KLF7: variants seen among roughly 807,000 people sequenced by gnomAD.
KLF7 encodes Krueppel-like factor 7.
A neutral mutation model predicts 27.3 loss-of-function variants in KLF7; 2 were observed. The observed-to-expected ratio is 0.07, with a 90% CI of 0.03 to 0.23. KLF7 has a LOEUF of 0.23. Among genes scored for constraint, KLF7 ranks in the 10% least tolerant of loss-of-function variants. KLF7 has a pLI of 1.00. For synonymous variants in KLF7, 165 were observed against 162.4 expected, an observed-to-expected ratio of 1.02 and a Z score of -0.12; for missense variants, 221 against 394.1, an observed-to-expected ratio of 0.56 and a Z score of 3.72.
intron 2 of KLF7, among the ~76,000 whole-genome samples, chr2:207,116,627 A>G (rs1410657993): frequency 2.0e-5 from 3 of 151,792 alleles, no homozygotes; most frequent in Non-Finnish European, 4.4e-5. Flanking sequence ...ATTAACACTC[A>G]TATTATAATA....
At position 207,109,671 on chromosome 2, in the gene KLF7, T is replaced by C. The variant is rs1401155883; in HGVS notation, c.733+14103A>G. Among the ~76,000 whole-genome samples, 6 of 152,178 alleles carry C rather than the reference T, an allele frequency of 3.9e-5. No individual in the cohort carries two copies. In the East Asian group the frequency reaches 9.6e-4, roughly 24 times the overall value. On this transcript the variant is annotated intron_variant, in intron 2 of 3. Transcript: ENST00000309446. Reference sequence around the variant, plus strand: ...AGCCATTCCCAGGCTTGGTACCCAATTGCCTTCTTACTCCCAAAGCTGATC... The same window carrying C: ...AGCCATTCCCAGGCTTGGTACCCAACTGCCTTCTTACTCCCAAAGCTGATC...
At chr2:207,141,080 T>G (rs186610149) in intron 1 of KLF7, among the ~76,000 whole-genome samples, 329 of 152,252 alleles carry the variant, frequency 2.2e-3, no homozygotes, top group South Asian at 3.5e-3. Context: ...AGTATATATA[T>G]AGAGATATAT....
chr2:207,081,728 A>T (rs1349941622), intron 3 of KLF7, among the ~76,000 whole-genome samples: 1 of 152,130 alleles, frequency 6.6e-6, no homozygotes, highest in Admixed American at 6.6e-5. Flanking sequence ...ATTAGTCTAT[A>T]TCATCAAAGG....
intron 2 of KLF7, among the ~76,000 whole-genome samples, chr2:207,099,154 G>A (rs1436140000): frequency 6.6e-6 from 1 of 152,118 alleles, no homozygotes; most frequent in East Asian, 1.9e-4. Context: ...CTCCTAGTGA[G>A]TATAGCCAAG....
upstream of KLF7, among the ~76,000 whole-genome samples, chr2:207,170,501 A>G (rs2078777499): frequency 6.6e-6 from 1 of 152,206 alleles, no homozygotes; most frequent in Non-Finnish European, 1.5e-5. Context: ...CTTCCATTGA[A>G]AGAAGATGCT....
At chr2:207,095,695 T>C (rs1480671392) in intron 2 of KLF7, among the ~76,000 whole-genome samples, 1 of 152,206 alleles carries the variant, frequency 6.6e-6, no homozygotes. Context: ...TTTCACACTC[T>C]TATTTTGGTA....
chr2:207,075,781 T>C lies in KLF7; in HGVS notation c.*5432A>G, dbSNP rs919499907. 2.0e-5 allele frequency: 3 copies of C among 152,222 alleles called. No individual in the cohort carries two copies. The highest frequency in any genetic ancestry group is 6.5e-5 in the Admixed American group (1 of 15,286). The allele number at this position is 152,222 out of a possible 1,614,324, so 9.4% of individuals were successfully genotyped here. A position where few individuals can be genotyped will look rare whatever the true frequency, so the allele number is the denominator to read the frequency against. On this transcript the variant is annotated 3_prime_UTR_variant, in exon 4 of 4. Coordinates refer to ENST00000309446, the MANE Select transcript of KLF7 (RefSeq NM_003709.4). ...GATCTTGGCCATTAACAGGTGTATT[T>C]TTCCTCCCTGGAATGAAGCAGAAGT...
intron 1 of KLF7, among the ~76,000 whole-genome samples, chr2:207,141,440 G>A (rs2077940380): frequency 6.6e-6 from 1 of 151,984 alleles, no homozygotes; most frequent in South Asian, 2.1e-4. Context: ...CACATTCAGG[G>A]ACTAGGAGCA....
intron 1 of KLF7, among the ~76,000 whole-genome samples, chr2:207,148,831 C>A (rs12466923): frequency 0.75 from 113,299 of 151,916 alleles, 42,890 homozygotes; most frequent in Admixed American, 0.81. Flanking sequence ...GCTGACTCCC[C>A]GGGGCCATCT....
chr2:207,087,151 G>C (rs1386070333), intron 3 of KLF7, among the ~76,000 whole-genome samples: 3 of 152,118 alleles, frequency 2.0e-5, no homozygotes, highest in African/African-American at 4.8e-5. Flanking sequence ...TTGTATTCTT[G>C]GGTAGCAGAA....
Position 207,124,248 on chromosome 2 carries a change from C to T in KLF7, c.259G>A (p.Ala87Thr). ...LDPLLLPVEAAICEKSSAVDI... is the reference protein window; with the variant it reads ...LDPLLLPVEATICEKSSAVDI... ...ACTGCCGAGCTCTTCTCACAGATGG[C>T]CGCTTCCACGGGGAGCAGCAGGGGG... The change falls in exon 2 of 4, where the codon GCC (alanine) becomes ACC (threonine). Residue 87 changes from alanine to threonine, a missense_variant. Transcript: ENST00000309446. The T allele has an allele frequency of 6.2e-7, 1 of 1,614,036 alleles. No individual in the cohort carries two copies. Among genetic ancestry groups the T allele is most frequent in the Non-Finnish European group, 8.5e-7 (1 of 1,180,000 alleles).
At chr2:207,103,126 C>T (rs1185802627) in intron 2 of KLF7, among the ~76,000 whole-genome samples, 1 of 152,168 alleles carries the variant, frequency 6.6e-6, no homozygotes, top group African/African-American at 2.4e-5. Flanking sequence ...CAGGGTTTCA[C>T]TATGTTGACC....
chr2:207,116,974 C>T (rs549908396), intron 2 of KLF7, among the ~76,000 whole-genome samples: 2 of 152,160 alleles, frequency 1.3e-5, no homozygotes, highest in East Asian at 1.9e-4. Context: ...GCGAGGTCCT[C>T]GGCAATAAAG....
chr2:207,101,070 C>T (rs1263611), intron 2 of KLF7, among the ~76,000 whole-genome samples: 60,316 of 152,108 alleles, frequency 0.4, 12,545 homozygotes, highest in African/African-American at 0.52. Flanking sequence ...GATTCATAAA[C>T]CCTAACATGC....
intron 1 of KLF7, among the ~76,000 whole-genome samples, chr2:207,130,320 G>A: frequency 6.6e-6 from 1 of 152,224 alleles, no homozygotes; most frequent in South Asian, 2.1e-4. Flanking sequence ...ACTGTCAAGT[G>A]TTGAAAGACA....
chr2:207,111,683 G>C (rs1477499805), intron 2 of KLF7, among the ~76,000 whole-genome samples: 1 of 152,172 alleles, frequency 6.6e-6, no homozygotes, highest in Non-Finnish European at 1.5e-5. Flanking sequence ...AAGCATGCTT[G>C]CTTGTATGCC....
At chr2:207,088,095 C>T (rs1243979854) in intron 3 of KLF7, among the ~76,000 whole-genome samples, 1 of 152,162 alleles carries the variant, frequency 6.6e-6, no homozygotes, top group Non-Finnish European at 1.5e-5. Flanking sequence ...GAAAGTGGTA[C>T]TGACATTGAT....
At chr2:207,134,274 A>G (rs914652291) in intron 1 of KLF7, 2 of 621,814 alleles carry the variant, frequency 3.2e-6, no homozygotes, top group East Asian at 5.7e-5. Flanking sequence ...TAAAAAACAC[A>G]CAGACACATA....
intron 2 of KLF7, among the ~76,000 whole-genome samples, chr2:207,108,914 G>A (rs2105929457): frequency 6.6e-6 from 1 of 152,270 alleles, no homozygotes; most frequent in East Asian, 1.9e-4. Context: ...CAAAGCTCTG[G>A]TGTAACTGAG....
Sources: gnomAD v4.1 joint callset for allele counts (sites outside exome capture counted in the v4.1 genomes callset) on GRCh38, gnomAD v4.1.1 for gene constraint, MANE v1.5 for transcripts, NCBI Gene and HGNC (gene_info 2026-07-23, HGNC 2026-07-21) for gene names.